Variants in CACNA2D3 observed in about 807,000 individuals in gnomAD.
CACNA2D3 encodes voltage-dependent calcium channel subunit alpha-2/delta-3.
A neutral mutation model predicts 160.6 loss-of-function variants in CACNA2D3; 60 were observed. That is an observed-to-expected ratio of 0.37 (90% CI 0.30 to 0.46). The LOEUF is 0.46. Among genes scored for constraint, CACNA2D3 ranks in the 20% least tolerant of loss-of-function variants. CACNA2D3 has a pLI of 1.00. For missense variants in CACNA2D3, 1,205 were observed against 1,365.0 expected (o/e 0.88, Z 1.85); for synonymous variants, 558 against 492.9 (o/e 1.13, Z -1.75).
intron 27 of CACNA2D3, chr3:54,918,625 A>T (rs1371097857): frequency 1.2e-6 from 2 of 1,614,080 alleles, no homozygotes; most frequent in Non-Finnish European, 1.7e-6. Context: ...AACGCCAGTG[A>T]TGATGACAGT....
At chr3:54,141,560 C>T (rs142341893) in intron 2 of CACNA2D3, among the ~76,000 whole-genome samples, 5 of 152,152 alleles carry the variant, frequency 3.3e-5, no homozygotes, top group African/African-American at 9.7e-5. Flanking sequence ...AAGAAGAGCA[C>T]TTTGTATTCT....
chr3:54,705,337 T>C (rs1328472316), intron 11 of CACNA2D3, among the ~76,000 whole-genome samples: 2 of 152,218 alleles, frequency 1.3e-5, no homozygotes, highest in East Asian at 3.9e-4. Flanking sequence ...AGTTATATCA[T>C]TGAACTAGAA....
intron 4 of CACNA2D3, among the ~76,000 whole-genome samples, chr3:54,444,618 A>G (rs560086639): frequency 4.8e-4 from 73 of 152,294 alleles, no homozygotes; most frequent in Non-Finnish European, 8.7e-4. Context: ...GCCACATAAC[A>G]TGCATTAGGG....
At chr3:54,319,566 T>G (rs1703943334) in intron 2 of CACNA2D3, among the ~76,000 whole-genome samples, 1 of 152,240 alleles carries the variant, frequency 6.6e-6, no homozygotes, top group African/African-American at 2.4e-5. Context: ...ATTTGGAAGG[T>G]TCCTATTAAT....
intron 4 of CACNA2D3, among the ~76,000 whole-genome samples, chr3:54,464,004 C>G (rs1700559776): frequency 6.6e-6 from 1 of 152,212 alleles, no homozygotes; most frequent in Non-Finnish European, 1.5e-5. Flanking sequence ...GGACCCTCAG[C>G]TGCAGGTCTG....
intron 11 of CACNA2D3, among the ~76,000 whole-genome samples, chr3:54,654,963 C>G (rs1206472646): frequency 6.6e-6 from 1 of 152,162 alleles, no homozygotes; most frequent in African/African-American, 2.4e-5. Context: ...CAGACCCTAG[C>G]CAGGAATAGC....
At chr3:54,659,278 C>CTG (rs1699926980) in intron 11 of CACNA2D3, among the ~76,000 whole-genome samples, 1 of 152,222 alleles carries the variant, frequency 6.6e-6, no homozygotes, top group Non-Finnish European at 1.5e-5. Flanking sequence ...TGGTGCCTGG[C>CTG]ACACAGTGTG....
At chr3:54,871,690 G>T (rs769757160) in intron 18 of CACNA2D3, 68 bp downstream of exon 18, 2 of 1,256,234 alleles carry the variant, frequency 1.6e-6, no homozygotes, top group South Asian at 1.3e-5. Context: ...ACCTGGGGGC[G>T]ATCCCAGGAG....
intron 5 of CACNA2D3, among the ~76,000 whole-genome samples, chr3:54,538,019 G>A (rs1306966051): frequency 6.6e-6 from 1 of 152,100 alleles, no homozygotes; most frequent in Non-Finnish European, 1.5e-5. Flanking sequence ...TTTCACCCAG[G>A]AGTGCTCCAC....
intron 5 of CACNA2D3, among the ~76,000 whole-genome samples, chr3:54,511,161 G>T (rs575633005): frequency 6.6e-6 from 1 of 152,298 alleles, no homozygotes; most frequent in East Asian, 1.9e-4. Flanking sequence ...TTTCCTGAGA[G>T]CCTGGCTCCA....
chr3:54,188,013 G>T (rs946241204), intron 2 of CACNA2D3, among the ~76,000 whole-genome samples: 4 of 152,008 alleles, frequency 2.6e-5, no homozygotes, highest in African/African-American at 9.7e-5. Flanking sequence ...AAAGAGAGTC[G>T]AACTCCAAAA....
At chr3:54,574,950 C>T (rs764730925) in intron 8 of CACNA2D3, among the ~76,000 whole-genome samples, 1 of 152,188 alleles carries the variant, frequency 6.6e-6, no homozygotes, top group African/African-American at 2.4e-5. Context: ...ACGGTTTCTC[C>T]GATGCTTTGC....
chr3:54,808,771 C>T (rs1703203192), intron 13 of CACNA2D3, among the ~76,000 whole-genome samples: 1 of 152,148 alleles, frequency 6.6e-6, no homozygotes, highest in Non-Finnish European at 1.5e-5. Context: ...TGCTCAGACC[C>T]TATCATTTCT....
At chr3:54,166,168 A>C (rs184316941) in intron 2 of CACNA2D3, among the ~76,000 whole-genome samples, 1 of 152,128 alleles carries the variant, frequency 6.6e-6, no homozygotes, top group Non-Finnish European at 1.5e-5. Context: ...TTCCTTTCAC[A>C]CTGTCTCAAC....
chr3:55,071,941 G>A (rs780040903), intron 35 of CACNA2D3, among the ~76,000 whole-genome samples: 25 of 152,202 alleles, frequency 1.6e-4, no homozygotes, highest in African/African-American at 5.3e-4. Flanking sequence ...TTGGTTCTCT[G>A]ATGAGAGCTA....
intron 12 of CACNA2D3, among the ~76,000 whole-genome samples, chr3:54,763,781 A>G (rs1403358381): frequency 1.4e-4 from 5 of 37,034 alleles, no homozygotes; most frequent in South Asian, 8.9e-4. Context: ...ATATATGTAC[A>G]TATATATGTA....
At position 55,074,245 on chromosome 3, in the gene CACNA2D3, C is replaced by G; in HGVS notation, c.*39C>G. 2.1e-6 allele frequency: 3 copies of G among 1,412,332 alleles called. No individual in the cohort carries two copies. The highest frequency in any genetic ancestry group is 3.0e-6 in the Non-Finnish European group (3 of 1,002,230). 87.5% of individuals were successfully genotyped at this position (1,412,332 alleles called of 1,614,324 possible). On this transcript the variant is annotated 3_prime_UTR_variant, in exon 38 of 38. Coordinates refer to ENST00000474759, the MANE Select transcript of CACNA2D3 (RefSeq NM_018398.3). ...GTTCTCTTACTGACTGAGATGTTCT[C>G]TTGGCATGCTAAATCATGGATAAAC...
intron 2 of CACNA2D3, among the ~76,000 whole-genome samples, chr3:54,318,878 A>T (rs1049186406): frequency 6.6e-6 from 1 of 151,990 alleles, no homozygotes; most frequent in African/African-American, 2.4e-5. Flanking sequence ...CAAACAAAAA[A>T]AAATTTGTAG....
chr3:54,654,342 G>A (rs1699835915), intron 11 of CACNA2D3, among the ~76,000 whole-genome samples: 1 of 152,174 alleles, frequency 6.6e-6, no homozygotes, highest in African/African-American at 2.4e-5. Context: ...GCAAGCCAGA[G>A]CATGTCCAGA....
Sources: gnomAD v4.1 joint callset for allele counts (sites outside exome capture counted in the v4.1 genomes callset) on GRCh38, gnomAD v4.1.1 for gene constraint, MANE v1.5 for transcripts, NCBI Gene and HGNC (gene_info 2026-07-23, HGNC 2026-07-21) for gene names.